The following CLASP1 variants were observed in gnomAD, a reference collection of about 807,000 sequenced individuals.
CLASP1 encodes the protein CLIP-associating protein 1.
Under a neutral mutation model 192.3 loss-of-function variants are expected in CLASP1, and 38 were observed. The ratio of observed to expected loss-of-function variants is 0.20; its 90% CI spans 0.15 to 0.26. The LOEUF is 0.26. Among genes scored for constraint, CLASP1 ranks in the 10% least tolerant of loss-of-function variants. CLASP1 has a pLI of 1.00. For missense variants in CLASP1, 1,433 were observed against 1,932.5 expected (o/e 0.74, Z 4.85); for synonymous variants, 691 against 712.8 (o/e 0.97, Z 0.49).
intron 1 of CLASP1, among the ~76,000 whole-genome samples, chr2:121,627,505 A>C (rs1057038812): frequency 2.0e-5 from 3 of 152,208 alleles, no homozygotes; most frequent in Non-Finnish European, 4.4e-5. Flanking sequence ...TACTTTTCCA[A>C]TTCCTTAGGA....
intron 30 of CLASP1, among the ~76,000 whole-genome samples, chr2:121,389,271 T>G (rs2073917465): frequency 6.6e-6 from 1 of 152,198 alleles, no homozygotes; most frequent in South Asian, 2.1e-4. Context: ...ATAATATTTT[T>G]ATGACATGGG....
chr2:121,526,352 A>C (rs1340424264), intron 5 of CLASP1, among the ~76,000 whole-genome samples: 1 of 152,236 alleles, frequency 6.6e-6, no homozygotes, highest in Non-Finnish European at 1.5e-5. Flanking sequence ...CTGGATGAAA[A>C]GACTGCAATC....
chr2:121,444,478 A>G (rs1009257665), intron 19 of CLASP1, among the ~76,000 whole-genome samples: 1 of 152,246 alleles, frequency 6.6e-6, no homozygotes, highest in African/African-American at 2.4e-5. Context: ...AATGTTTACC[A>G]GCCTTTAGTC....
intron 13 of CLASP1, 98 bp from the exon 14 acceptor site, chr2:121,457,855 T>C (rs1184647244): frequency 6.7e-6 from 5 of 751,786 alleles, no homozygotes; most frequent in African/African-American, 3.5e-5. Context: ...TTATAGCACA[T>C]ATATATTCAG....
chr2:121,416,979 T>C (rs184808647), intron 23 of CLASP1, among the ~76,000 whole-genome samples: 4 of 152,056 alleles, frequency 2.6e-5, no homozygotes, highest in African/African-American at 7.2e-5. Context: ...TAACCCAAGG[T>C]GGGGAAAAGC....
At chr2:121,354,621 C>G (rs1270412486) in intron 37 of CLASP1, among the ~76,000 whole-genome samples, 1 of 152,174 alleles carries the variant, frequency 6.6e-6, no homozygotes, top group East Asian at 1.9e-4. Flanking sequence ...GCCCAAGTAT[C>G]ATAACACACC....
intron 2 of CLASP1, among the ~76,000 whole-genome samples, chr2:121,532,203 T>C (rs73950987): frequency 0.21 from 31,948 of 152,254 alleles, 6,364 homozygotes; most frequent in African/African-American, 0.52. Flanking sequence ...AAAATGTTCT[T>C]GCAAGAAACT....
intron 34 of CLASP1, among the ~76,000 whole-genome samples, chr2:121,376,861 A>G (rs1173104613): frequency 2.6e-5 from 4 of 152,172 alleles, no homozygotes; most frequent in Non-Finnish European, 5.9e-5. Context: ...GGTCCTTATG[A>G]GAGTCTAATG....
Position 121,418,480 on chromosome 2 carries a change from G to C in CLASP1, c.2320+142C>G, listed in dbSNP as rs1432874722. 1.2e-5 allele frequency: 8 copies of C among 642,190 alleles called. No individual in the cohort carries two copies. In the East Asian group the frequency reaches 2.1e-4, roughly 17 times the overall value. The allele number at this position is 642,190 out of a possible 1,614,324, so 39.8% of individuals were successfully genotyped here. A position where few individuals can be genotyped will look rare whatever the true frequency, so the allele number is the denominator to read the frequency against. The stretch of plus-strand genomic sequence containing the variant: ...ATTCAAGCATGCAGAGGGGGACAAG[G>C]GGTAACTAAGGAAGAGGAAAGAAAG... On this transcript the variant is annotated intron_variant, in intron 23 of 39. Transcript: ENST00000263710.
intron 8 of CLASP1, among the ~76,000 whole-genome samples, chr2:121,500,294 A>G (rs2093691183): frequency 6.6e-6 from 1 of 150,720 alleles, no homozygotes. Flanking sequence ...GAGAGAGAGA[A>G]AGAGGGAGAG....
At chr2:121,610,700 T>A (rs1398648096) in intron 1 of CLASP1, among the ~76,000 whole-genome samples, 4 of 70,544 alleles carry the variant, frequency 5.7e-5, no homozygotes, top group African/African-American at 1.2e-4. Flanking sequence ...AAAGAGGAAC[T>A]GGAGAAGGAG....
At chr2:121,612,358 T>C (rs1285931501) in intron 1 of CLASP1, among the ~76,000 whole-genome samples, 1 of 144,102 alleles carries the variant, frequency 6.9e-6, no homozygotes, top group Admixed American at 7.0e-5. Context: ...GGAGGAGGAA[T>C]TATAGGAGAA....
At chr2:121,476,879 C>A (rs1040907471) in intron 8 of CLASP1, among the ~76,000 whole-genome samples, 17 of 152,298 alleles carry the variant, frequency 1.1e-4, no homozygotes, top group Non-Finnish European at 7.4e-5. Flanking sequence ...GGATAATGAG[C>A]CCAAAGGCGG....
chr2:121,387,366 A>AT, intron 31 of CLASP1, 138 bp from the exon 33 acceptor site: 2 of 611,794 alleles, frequency 3.3e-6, no homozygotes. Flanking sequence ...CCTTAGAATC[A>AT]TAAGGCCAAT....
At chr2:121,503,952 C>G (rs1016400533) in intron 7 of CLASP1, 1 of 151,942 alleles carries the variant, frequency 6.6e-6, no homozygotes, top group Admixed American at 6.6e-5. Flanking sequence ...TTTCTTGAGC[C>G]GGGCATGGTG....
chr2:121,449,818 T>C (rs1158802947), intron 16 of CLASP1, among the ~76,000 whole-genome samples: 1 of 152,042 alleles, frequency 6.6e-6, no homozygotes, highest in African/African-American at 2.4e-5. Context: ...CAAAGAGCAA[T>C]AAGTACTAGA....
intron 2 of CLASP1, among the ~76,000 whole-genome samples, chr2:121,570,942 G>C (rs867686541): frequency 1.8e-4 from 28 of 152,044 alleles, no homozygotes; most frequent in African/African-American, 6.8e-4. Flanking sequence ...TCACCCACGG[G>C]ATTTGGATGC....
chr2:121,384,099 C>CATAT (rs749512897), intron 32 of CLASP1, among the ~76,000 whole-genome samples: 2 of 133,944 alleles, frequency 1.5e-5, no homozygotes. Flanking sequence ...TATATACACA[C>CATAT]ATATATATGT....
chr2:121,590,997 AGCTGGGACTACAG>A (rs1267118505), intron 2 of CLASP1, among the ~76,000 whole-genome samples: 1 of 151,362 alleles, frequency 6.6e-6, no homozygotes, highest in Non-Finnish European at 1.5e-5. Flanking sequence ...CCTGCCAAGC[AGCTGGGACTACAG>A]GCGTGCACCA....
Sources: allele counts gnomAD v4.1 joint callset (sites outside exome capture counted in the v4.1 genomes callset), GRCh38; gene constraint gnomAD v4.1.1; transcripts MANE v1.5; gene names NCBI Gene and HGNC (gene_info 2026-07-23, HGNC 2026-07-21).